Variants in NEK4 observed in about 807,000 individuals in gnomAD.
NEK4 encodes the protein serine/threonine-protein kinase Nek4.
NEK4 carries 86 observed loss-of-function variants against 98.4 expected under a neutral mutation model. That is an observed-to-expected ratio of 0.87 (90% confidence interval 0.73 to 1.05). The LOEUF (loss-of-function observed/expected upper bound fraction) is 1.05. Ranked by LOEUF, NEK4 falls within the 50% of genes least tolerant of loss-of-function variation. NEK4 has a pLI of 0.00. For synonymous variants in NEK4, 328 were observed against 342.2 expected (o/e 0.96, Z 0.46); for missense variants, 898 against 950.3 (o/e 0.94, Z 0.72).
In NEK4 at chr3:52,741,422, A is replaced by T. The variant is rs2097385909; in HGVS notation, c.2082T>A (p.Asp694Glu). The change falls in exon 13 of 16, where the codon GAT becomes GAA. Residue 694 changes from aspartate to glutamate, a missense_variant. Asp to Glu is a conservative substitution (Grantham distance 45). Transcript: ENST00000233027. ...STSSTDKSDG[D>E]YGEGKGQTNE... ...AAACAAGAACTTACCCTTCCCCGTAATCCCCATCTGACTTATCAGTTGAAC... is the reference window on the plus strand; with the variant it reads ...AAACAAGAACTTACCCTTCCCCGTATTCCCCATCTGACTTATCAGTTGAAC... 1 of 1,598,720 alleles carries T rather than the reference A, an allele frequency of 6.3e-7. No homozygotes were observed. Among genetic ancestry groups the T allele is most frequent in the Non-Finnish European group, 8.6e-7 (1 of 1,166,252 alleles).
intron 6 of NEK4, chr3:52,754,696 A>C: frequency 1.8e-6 from 1 of 563,640 alleles, no homozygotes; most frequent in Non-Finnish European, 3.5e-6. Flanking sequence ...GCAACTTAAG[A>C]GATGGTGAAT....
At chr3:52,731,427 T>C (rs1470005906) in intron 15 of NEK4, among the ~76,000 whole-genome samples, 3 of 152,146 alleles carry the variant, frequency 2.0e-5, no homozygotes, top group Non-Finnish European at 2.9e-5. Context: ...TACTCCAAAG[T>C]AACAGTAAGC....
chr3:52,717,773 C>T (rs2154101987), intron 15 of NEK4, among the ~76,000 whole-genome samples: 1 of 152,158 alleles, frequency 6.6e-6, no homozygotes, highest in South Asian at 2.1e-4. Context: ...AGTACCTCCA[C>T]TTTAATTAAA....
chr3:52,761,296 T>C (rs1313395056), intron 5 of NEK4, among the ~76,000 whole-genome samples: 2 of 152,172 alleles, frequency 1.3e-5, no homozygotes, highest in African/African-American at 4.8e-5. Context: ...TTTAAAAAAT[T>C]GAGACAGAGT....
chr3:52,748,370 T>C (rs2097399970), intron 8 of NEK4, among the ~76,000 whole-genome samples: 1 of 152,174 alleles, frequency 6.6e-6, no homozygotes, highest in Non-Finnish European at 1.5e-5. Context: ...ACATCAGTTA[T>C]CCAAATGTTC....
At chr3:52,727,809 G>C (rs746436575) in intron 15 of NEK4, among the ~76,000 whole-genome samples, 1 of 152,086 alleles carries the variant, frequency 6.6e-6, no homozygotes, top group Non-Finnish European at 1.5e-5. Flanking sequence ...GATCAAAGAA[G>C]AAATCAAAAG....
At chr3:52,742,587 T>G (rs1018101184) in intron 12 of NEK4, among the ~76,000 whole-genome samples, 1 of 152,120 alleles carries the variant, frequency 6.6e-6, no homozygotes, top group African/African-American at 2.4e-5. Flanking sequence ...ACCTAGTAAT[T>G]ACCCATTTAG....
rs139449752 is a variant in NEK4 at position 52,733,486 on chromosome 3, T to C, written c.2433+4100A>G. On this transcript the variant is annotated intron_variant, in intron 15 of 15. Transcript: ENST00000233027. ...GTACAAGAACTTCAGGCACAAATTT[T>C]CCCTCACTCAACAGAGAAGTCATAC... 1.6e-5 allele frequency: 7 copies of C among 427,490 alleles called. No homozygotes were observed. The East Asian group carries it at 2.4e-4, about 15-fold the overall frequency. The allele number at this position is 427,490 out of a possible 1,614,324, so 26.5% of individuals were successfully genotyped here.
intron 4 of NEK4, 90 bp downstream of exon 4, chr3:52,765,797 C>T (rs1432575464): frequency 5.1e-6 from 4 of 781,558 alleles, no homozygotes; most frequent in Non-Finnish European, 8.9e-6. Context: ...TACTCATTGA[C>T]TCATCAAAAT....
chr3:52,751,479 G>A, intron 7 of NEK4, among the ~76,000 whole-genome samples: 1 of 148,818 alleles, frequency 6.7e-6, no homozygotes, highest in Non-Finnish European at 1.5e-5. Flanking sequence ...AAATTAGCTG[G>A]GCGTGGTGGC....
At chr3:52,731,736 G>A (rs768151377) in intron 15 of NEK4, among the ~76,000 whole-genome samples, 8 of 152,142 alleles carry the variant, frequency 5.3e-5, no homozygotes, top group Non-Finnish European at 8.8e-5. Flanking sequence ...GCCCAGGCCC[G>A]TCTCAAACTT....
rs1698648354 is a variant in NEK4 at position 52,768,242 on chromosome 3, T to C, written c.360+96A>G. 6.3e-6 allele frequency: 7 copies of C among 1,106,306 alleles called. No individual in the cohort carries two copies. In the East Asian group the frequency reaches 1.2e-4, roughly 19 times the overall value. 68.5% of individuals were successfully genotyped at this position (1,106,306 alleles called of 1,614,324 possible). A position where few individuals can be genotyped will look rare whatever the true frequency, so the allele number is the denominator to read the frequency against. On this transcript the variant is annotated intron_variant, in intron 2 of 15. Coordinates refer to ENST00000233027, the MANE Select transcript of NEK4 (RefSeq NM_003157.6). ...ATGAATTTTCCAAAAAATACATTTC[T>C]ATATGTAAGTATCTGAAGAAAAATT... is the stretch of plus-strand genomic sequence containing the variant.
intron 15 of NEK4, among the ~76,000 whole-genome samples, chr3:52,722,009 C>G (rs1285644411): frequency 1.3e-5 from 2 of 152,192 alleles, no homozygotes; most frequent in African/African-American, 4.8e-5. Flanking sequence ...GTGGGAACTT[C>G]TGTTCCTCTT....
chr3:52,770,575 C>A, intron 1 of NEK4, 79 bp downstream of exon 1: 1 of 1,127,028 alleles, frequency 8.9e-7, no homozygotes, highest in East Asian at 2.6e-5. Context: ...TGCGACCACC[C>A]CCGACCTAAT....
At chr3:52,712,119 G>A (rs767616795) in intron 15 of NEK4, among the ~76,000 whole-genome samples, 4 of 152,184 alleles carry the variant, frequency 2.6e-5, no homozygotes, top group Non-Finnish European at 4.4e-5. Flanking sequence ...AATAGCATTC[G>A]TATATAAAGA....
chr3:52,768,313 A>G (rs1698651119), intron 2 of NEK4, 25 bp downstream of exon 2: 3 of 1,591,316 alleles, frequency 1.9e-6, no homozygotes, highest in African/African-American at 1.3e-5. Flanking sequence ...GGAACAAGCT[A>G]GGATGCTATT....
intron 1 of NEK4, among the ~76,000 whole-genome samples, chr3:52,769,676 A>T (rs1698707102): frequency 6.6e-6 from 1 of 152,166 alleles, no homozygotes; most frequent in Non-Finnish European, 1.5e-5. Flanking sequence ...ATTGGGCCCT[A>T]TATTTAGGGG....
chr3:52,743,570 G>C (rs187941793), intron 11 of NEK4, 109 bp from the exon 12 acceptor site: 93 of 744,246 alleles, frequency 1.2e-4, no homozygotes, highest in African/African-American at 1.1e-3. Context: ...CCAAAAGTAA[G>C]TCAAACAGCA....
chr3:52,719,659 A>T lies in NEK4; in HGVS notation c.2434-7790T>A, dbSNP rs1019523933. On this transcript the variant is annotated intron_variant, in intron 15 of 15. Coordinates refer to ENST00000233027, the MANE Select transcript of NEK4 (RefSeq NM_003157.6). Reference sequence around the variant, plus strand: ...GTTCAAAGAACAAAAAGGAAACCATAATTTAAAAAGTAAAGAAAGGTATAA... The same window carrying T: ...GTTCAAAGAACAAAAAGGAAACCATTATTTAAAAAGTAAAGAAAGGTATAA... Among the ~76,000 whole-genome samples the T allele has an allele frequency of 4.6e-5, 7 of 152,046 alleles. 1 individual carries two copies. The highest frequency in any genetic ancestry group is 3.9e-4 in the Admixed American group (6 of 15,278).
Sources: allele counts gnomAD v4.1 joint callset (sites outside exome capture counted in the v4.1 genomes callset), GRCh38; gene constraint gnomAD v4.1.1; transcripts MANE v1.5; gene names NCBI Gene and HGNC (gene_info 2026-07-23, HGNC 2026-07-21).